The following SYCP1 variants were observed in gnomAD, a reference collection of about 807,000 sequenced individuals.
The protein encoded by SYCP1 is cancer/testis antigen 8.
Under a neutral mutation model 153.1 loss-of-function variants are expected in SYCP1, and 64 were observed. That is an observed-to-expected ratio of 0.42 (90% CI 0.34 to 0.51). The LOEUF is 0.51. SYCP1 is among the 20% of genes least tolerant of loss of function. The probability of loss-of-function intolerance (pLI) is 0.06; values close to 1 mark genes in which losing one functional copy is unlikely to be tolerated. For synonymous variants in SYCP1, 384 were observed against 341.8 expected (o/e 1.12, Z -1.36); for missense variants, 997 against 1,049.0 (o/e 0.95, Z 0.68).
chr1:114,870,429 T>C (rs1665038875), intron 8 of SYCP1, among the ~76,000 whole-genome samples: 1 of 151,562 alleles, frequency 6.6e-6, no homozygotes, highest in Non-Finnish European at 1.5e-5. Context: ...CATCCATATG[T>C]CTCCTTTTGT....
At chr1:114,910,296 G>A (rs1031895429) in intron 16 of SYCP1, 101 bp from the exon 17 acceptor site, 135 of 711,968 alleles carry the variant, frequency 1.9e-4, no homozygotes, top group Non-Finnish European at 2.7e-4. Flanking sequence ...TTTTAGCCAG[G>A]GGGAAGCTCA....
At chr1:114,868,565 A>T (rs1258843463) in intron 8 of SYCP1, among the ~76,000 whole-genome samples, 1 of 152,176 alleles carries the variant, frequency 6.6e-6, no homozygotes, top group Non-Finnish European at 1.5e-5. Context: ...TTTTGGTATT[A>T]GGGTACTGCT....
At chr1:114,952,608 G>A (rs550861141) in intron 27 of SYCP1, among the ~76,000 whole-genome samples, 3 of 152,248 alleles carry the variant, frequency 2.0e-5, no homozygotes, top group South Asian at 2.1e-4. Flanking sequence ...AGGGGGAAAA[G>A]CCCCTTATAA....
At chr1:114,855,698 AT>A in intron 2 of SYCP1, 126 bp downstream of exon 2, 1 of 698,206 alleles carries the variant, frequency 1.4e-6, no homozygotes, top group South Asian at 2.1e-5. Flanking sequence ...TTACCCAAGA[AT>A]TTTGAATCCC....
chr1:114,976,336 A>G (rs1197796121), intron 27 of SYCP1, among the ~76,000 whole-genome samples: 3 of 151,754 alleles, frequency 2.0e-5, no homozygotes, highest in Middle Eastern at 6.3e-3. Context: ...TATTATAGGA[A>G]TATCTTACTT....
intron 27 of SYCP1, among the ~76,000 whole-genome samples, chr1:114,968,606 G>A (rs1388532981): frequency 6.6e-6 from 1 of 152,106 alleles, no homozygotes; most frequent in East Asian, 1.9e-4. Context: ...TAGCTTCTTT[G>A]CATTGGGTTA....
intron 27 of SYCP1, among the ~76,000 whole-genome samples, chr1:114,950,841 A>T (rs893956810): frequency 2.9e-5 from 3 of 103,204 alleles, no homozygotes; most frequent in Non-Finnish European, 7.3e-5. Context: ...TTTTTGAGAC[A>T]GAGTCTCACG....
chr1:114,881,320 A>G (rs1279278892), intron 12 of SYCP1, among the ~76,000 whole-genome samples: 1 of 151,818 alleles, frequency 6.6e-6, no homozygotes, highest in Non-Finnish European at 1.5e-5. Context: ...TGTTTTGAAG[A>G]GGAATATTTA....
intron 8 of SYCP1, among the ~76,000 whole-genome samples, chr1:114,872,681 A>G (rs770376083): frequency 6.6e-5 from 10 of 152,144 alleles, no homozygotes; most frequent in Non-Finnish European, 1.5e-4. Flanking sequence ...GTTGTCTCAC[A>G]GTTCTTGGAT....
chr1:114,944,814 C>G (rs1256251293), intron 24 of SYCP1, 58 bp from the exon 25 acceptor site: 3 of 1,217,030 alleles, frequency 2.5e-6, no homozygotes, highest in East Asian at 5.0e-5. Flanking sequence ...ACTTTTTACA[C>G]TTGTTTGTTT....
intron 27 of SYCP1, among the ~76,000 whole-genome samples, chr1:114,967,201 G>A (rs753037754): frequency 4.0e-4 from 61 of 152,192 alleles, no homozygotes; most frequent in Non-Finnish European, 6.8e-4. Context: ...TGTTTGGTCC[G>A]GAGCTGAGTT....
chr1:114,981,220 G>A (rs1673132133), intron 28 of SYCP1, 116 bp from the exon 29 acceptor site: 2 of 715,176 alleles, frequency 2.8e-6, no homozygotes, highest in African/African-American at 3.7e-5. Flanking sequence ...ATAAATTTAG[G>A]GATAAATTTG....
intron 16 of SYCP1, among the ~76,000 whole-genome samples, chr1:114,895,936 T>C (rs1341526133): frequency 2.0e-5 from 3 of 152,152 alleles, no homozygotes; most frequent in Admixed American, 2.0e-4. Context: ...GATTACAGTA[T>C]ATAGAACATG....
intron 27 of SYCP1, among the ~76,000 whole-genome samples, chr1:114,950,822 CT>C (rs1240404864): frequency 0.036 from 5,055 of 138,714 alleles, 239 homozygotes; most frequent in African/African-American, 0.12. Context: ...AAATTACACT[CT>C]TTTTTTTTTT....
rs907136325 is a variant in SYCP1, at chr1:114,878,181, A to T, written c.889A>T (p.Asn297Tyr). ...FLLEESRDKV[N>Y]QLEEKTKLQS... ...GCTAGAGGAATCCAGAGATAAAGTT[A>T]ATCAATTAGAGGAAAAGACAAGTAA... The change falls in exon 12 of 32, where the codon AAT becomes TAT. Residue 297 changes from asparagine to tyrosine, a missense_variant. By Grantham distance (143) the Asn-to-Tyr change is moderately radical. Transcript: ENST00000369522. 1.7e-5 allele frequency: 27 copies of T among 1,560,162 alleles called. No individual in the cohort carries two copies. Among genetic ancestry groups the T allele is most frequent in the Non-Finnish European group, 2.3e-5 (26 of 1,139,448 alleles).
At position 114,947,226 on chromosome 1, in the gene SYCP1, T is replaced by G. The variant is rs1205469745; in HGVS notation, c.2248-20T>G. The G allele has an allele frequency of 4.4e-6, 7 of 1,583,226 alleles. No individual in the cohort carries two copies. The South Asian group carries it at 4.5e-5, about 10-fold the overall frequency. On this transcript the variant is annotated intron_variant, in intron 26 of 31. Coordinates refer to ENST00000369522, the MANE Select transcript of SYCP1 (RefSeq NM_003176.4). ...AAATACATGGAAGCTCTTCTAAACT[T>G]CATGTTTCTTTTTCTTTAGGAGATT...
At chr1:114,930,916 A>T (rs1669589127) in intron 23 of SYCP1, among the ~76,000 whole-genome samples, 1 of 151,912 alleles carries the variant, frequency 6.6e-6, no homozygotes, top group Non-Finnish European at 1.5e-5. Context: ...TAAAAACCAT[A>T]TTACATCAAA....
chr1:114,990,541 ATAGT>A (rs1673850819), intron 30 of SYCP1, among the ~76,000 whole-genome samples: 1 of 151,956 alleles, frequency 6.6e-6, no homozygotes, highest in African/African-American at 2.4e-5. Flanking sequence ...GAAACCAAAA[ATAGT>A]TGGTTCTTTG....
At chr1:114,979,426 G>T (rs1373901528) in intron 28 of SYCP1, among the ~76,000 whole-genome samples, 1 of 151,742 alleles carries the variant, frequency 6.6e-6, no homozygotes, top group Non-Finnish European at 1.5e-5. Context: ...GGATAGTTCA[G>T]TATTGTCACA....
Sources: allele counts gnomAD v4.1 joint callset (sites outside exome capture counted in the v4.1 genomes callset), GRCh38; gene constraint gnomAD v4.1.1; transcripts MANE v1.5; gene names NCBI Gene and HGNC (gene_info 2026-07-23, HGNC 2026-07-21).